The following MGAT4A variants were observed in gnomAD, a reference collection of about 807,000 sequenced individuals.
MGAT4A encodes N-acetylglucosaminyltransferase IVa.
MGAT4A carries 33 observed loss-of-function variants against 74.1 expected under a neutral mutation model. That is an observed-to-expected ratio of 0.45 (90% CI 0.34 to 0.60). The LOEUF is 0.60. Ranked by LOEUF, MGAT4A falls within the 20% of genes least tolerant of loss-of-function variation. The pLI is 0.02. For synonymous variants in MGAT4A, 198 were observed against 210.4 expected (o/e 0.94, Z 0.51); for missense variants, 479 against 628.3 (o/e 0.76, Z 2.54).
chr2:98,678,432 T>C lies in MGAT4A; in HGVS notation c.134A>G (p.Lys45Arg), dbSNP rs149908406. Residue 45 changes from lysine (K) to arginine (R), a missense_variant, in exon 3 of 16, where the codon AAA becomes AGA. Coordinates refer to ENST00000393487, the MANE Select transcript of MGAT4A (RefSeq NM_012214.3). ...IAYQREFLALKERLRIAEHRI... is the reference protein window; with the variant it reads ...IAYQREFLALRERLRIAEHRI... ...GTGTTCAGCTATTCGAAGACGTTCT[T>C]TCAAAGCAAGGAATTCTCGTTGATA... 3 of 1,587,360 alleles carry C rather than the reference T, an allele frequency of 1.9e-6. No individual in the cohort carries two copies. Among genetic ancestry groups the C allele is most frequent in the African/African-American group, 2.7e-5 (2 of 74,596 alleles).
chr2:98,662,385 T>C (rs569101264), intron 5 of MGAT4A, among the ~76,000 whole-genome samples: 165 of 152,288 alleles, frequency 1.1e-3, no homozygotes, highest in African/African-American at 3.7e-3. Flanking sequence ...TTTTGAACAG[T>C]ATGCATTTGT....
intron 1 of MGAT4A, 31 bp from the exon 2 acceptor site, chr2:98,726,598 A>G (rs1702767204): frequency 5.0e-6 from 2 of 401,732 alleles, no homozygotes; most frequent in African/African-American, 2.0e-5. Context: ...AGTCAAGCTC[A>G]TTCGGTAATG....
chr2:98,641,922 G>C (rs1003518756), intron 10 of MGAT4A, among the ~76,000 whole-genome samples: 17 of 151,926 alleles, frequency 1.1e-4, no homozygotes, highest in African/African-American at 3.9e-4. Context: ...TTGAACCTGG[G>C]GGGCAGAGGC....
At chr2:98,654,925 G>C (rs149225831) in intron 8 of MGAT4A, among the ~76,000 whole-genome samples, 1 of 152,116 alleles carries the variant, frequency 6.6e-6, no homozygotes, top group African/African-American at 2.4e-5. Context: ...GCAGCAGCTC[G>C]TGTCTGTAAT....
intron 5 of MGAT4A, among the ~76,000 whole-genome samples, chr2:98,662,054 G>A (rs182068776): frequency 1.4e-3 from 220 of 152,290 alleles, no homozygotes; most frequent in Admixed American, 2.6e-3. Flanking sequence ...CATGAGAACC[G>A]CTAACTGCAA....
chr2:98,631,540 G>A (rs1482572585), intron 14 of MGAT4A, among the ~76,000 whole-genome samples: 1 of 152,260 alleles, frequency 6.6e-6, no homozygotes, highest in Non-Finnish European at 1.5e-5. Context: ...GGCTGGACGT[G>A]GAGGGGAAGG....
chr2:98,641,352 C>G (rs943856388), intron 10 of MGAT4A, among the ~76,000 whole-genome samples: 18 of 151,818 alleles, frequency 1.2e-4, no homozygotes, highest in Non-Finnish European at 2.4e-4. Context: ...GAAACCCTGT[C>G]TCTACTAAAA....
intron 8 of MGAT4A, among the ~76,000 whole-genome samples, chr2:98,654,605 G>A (rs541784172): frequency 2.6e-5 from 4 of 152,082 alleles, no homozygotes; most frequent in South Asian, 2.1e-4. Flanking sequence ...AACTGGGGAG[G>A]TGGAAAATTT....
chr2:98,666,692 CAA>C (rs1184837604), intron 4 of MGAT4A, among the ~76,000 whole-genome samples: 2 of 132,728 alleles, frequency 1.5e-5, no homozygotes, highest in Non-Finnish European at 3.3e-5. Flanking sequence ...GACCCTGTCT[CAA>C]AAAAAAAAAA....
chr2:98,639,825 T>C lies in MGAT4A; in HGVS notation c.1305A>G (p.Lys435=), dbSNP rs1389238459. 6.2e-7 allele frequency: 1 copy of C among 1,611,692 alleles called. No homozygotes were observed. The highest frequency in any genetic ancestry group is 8.5e-7 in the Non-Finnish European group (1 of 1,179,078). The change falls in exon 12 of 16, where the codon AAA becomes AAG. Residue 435 remains lysine (K), a synonymous_variant. Transcript: ENST00000393487. ...TCACCAACCTTTCTACATTGACTGG[T>C]TTATCAAATTTAAACAAGATGTAGT... ...AGDYILFKFD[K]PVNVESYLFH...
Position 98,622,872 on chromosome 2 carries a change from G to T in MGAT4A, c.*2694C>A. The stretch of plus-strand genomic sequence containing the variant: ...AGAGGGAGTTAAGAGAGAGAAAGGG[G>T]GCTGGACATGGTGGCACACACCTAT... On this transcript the variant is annotated 3_prime_UTR_variant, in exon 16 of 16. Transcript: ENST00000393487. 1.0e-6 allele frequency: 1 copy of T among 985,724 alleles called. No individual in the cohort carries two copies. The highest frequency in any genetic ancestry group is 1.2e-6 in the Non-Finnish European group (1 of 830,254). 61.1% of individuals were successfully genotyped at this position (985,724 alleles called of 1,614,324 possible).
chr2:98,705,095 G>A (rs1435891408), intron 2 of MGAT4A, among the ~76,000 whole-genome samples: 2 of 152,170 alleles, frequency 1.3e-5, no homozygotes, highest in Non-Finnish European at 2.9e-5. Context: ...CCCCTGAGAA[G>A]AGGGTTTATT....
intron 2 of MGAT4A, among the ~76,000 whole-genome samples, chr2:98,710,278 G>A (rs1244063944): frequency 1.3e-5 from 2 of 152,192 alleles, no homozygotes; most frequent in Non-Finnish European, 2.9e-5. Context: ...GGAGAATGCA[G>A]AAGAGGCAAA....
intron 1 of MGAT4A, chr2:98,730,118 T>A (rs568993924): frequency 6.6e-6 from 1 of 152,384 alleles, no homozygotes; most frequent in Admixed American, 6.5e-5. Flanking sequence ...CGAACGACTG[T>A]CATTATCTTT....
intron 4 of MGAT4A, chr2:98,663,542 G>T: frequency 9.0e-7 from 1 of 1,113,068 alleles, no homozygotes; most frequent in Non-Finnish European, 1.2e-6. Flanking sequence ...CATGTGACAT[G>T]CCGAGAAGAG....
chr2:98,674,368 T>C (rs1701951299), intron 4 of MGAT4A, among the ~76,000 whole-genome samples: 1 of 152,210 alleles, frequency 6.6e-6, no homozygotes, highest in Non-Finnish European at 1.5e-5. Context: ...CGGAATCAAA[T>C]GTATGAGTGG....
chr2:98,632,917 A>T (rs569948491), intron 14 of MGAT4A, among the ~76,000 whole-genome samples: 1 of 152,136 alleles, frequency 6.6e-6, no homozygotes, highest in East Asian at 1.9e-4. Flanking sequence ...GCACCACCAC[A>T]CCTGGCTAAT....
rs750124146 is a variant in MGAT4A at position 98,726,347 on chromosome 2, A to T, written c.-15T>A. On this transcript the variant is annotated 5_prime_UTR_variant, in exon 2 of 16. It introduces an in-frame stop codon into an upstream open reading frame of the 5' UTR. Coordinates refer to ENST00000393487, the MANE Select transcript of MGAT4A (RefSeq NM_012214.3). ...CGGAGCCTCATCTCATTTCACCATC[A>T]CACTGGTCCATATGTTTATGATGAC... 8.7e-6 allele frequency: 14 copies of T among 1,605,948 alleles called. No homozygotes were observed. The highest frequency in any genetic ancestry group is 1.7e-6 in the Non-Finnish European group (2 of 1,173,248).
At chr2:98,666,529 C>CA (rs1701833229) in intron 4 of MGAT4A, among the ~76,000 whole-genome samples, 1 of 151,966 alleles carries the variant, frequency 6.6e-6, no homozygotes, top group Admixed American at 6.6e-5. Flanking sequence ...CTGGTATCTA[C>CA]AAAAAATAAA....
Sources: allele counts gnomAD v4.1 joint callset (sites outside exome capture counted in the v4.1 genomes callset), GRCh38; gene constraint gnomAD v4.1.1; transcripts MANE v1.5; gene names NCBI Gene and HGNC (gene_info 2026-07-23, HGNC 2026-07-21).